Variants in CHRM3 observed in about 807,000 individuals in gnomAD.
The protein encoded by CHRM3 is muscarinic acetylcholine receptor M3.
A neutral mutation model predicts 41.8 loss-of-function variants in CHRM3; 11 were observed. The ratio of observed to expected loss-of-function variants is 0.26; its 90% CI spans 0.17 to 0.44. The LOEUF (loss-of-function observed/expected upper bound fraction) is 0.44, where lower values mean the gene tolerates loss of function less well. Among genes scored for constraint, CHRM3 ranks in the 20% least tolerant of loss-of-function variants. The pLI is 1.00. For synonymous variants in CHRM3, 297 were observed against 301.4 expected, an observed-to-expected ratio of 0.99 and a Z score of 0.15; for missense variants, 571 against 745.4, an observed-to-expected ratio of 0.77 and a Z score of 2.72.
At chr1:239,557,876 G>C (rs1660507715) in intron 3 of CHRM3, among the ~76,000 whole-genome samples, 1 of 152,106 alleles carries the variant, frequency 6.6e-6, no homozygotes. Flanking sequence ...TCTTTATCCA[G>C]TCTATCATTG....
chr1:239,520,106 G>A (rs1669543504), intron 2 of CHRM3, among the ~76,000 whole-genome samples: 1 of 152,106 alleles, frequency 6.6e-6, no homozygotes, highest in Non-Finnish European at 1.5e-5. Context: ...AACTCAAAAT[G>A]TACTCAGTCA....
rs1553363709 is a variant in CHRM3 at position 239,684,748 on chromosome 1, G to GAAAGAAAGAAAGAAAGAAAGAA, written c.-147+6461_-147+6462insAAGAAAGAAAGAAAGAAAGAAA. Among the ~76,000 whole-genome samples the GAAAGAAAGAAAGAAAGAAAGAA allele has an allele frequency of 3.0e-3, 319 of 107,794 alleles. 2 individuals carry two copies. Among genetic ancestry groups the GAAAGAAAGAAAGAAAGAAAGAA allele is most frequent in the East Asian group, 5.2e-3 (20 of 3,868 alleles). The allele number at this position is 107,794 out of a possible 152,430, so 70.7% of individuals were successfully genotyped here. ...AAAGGAAAGGAAAGAGAGAAAGAAAGAGAAAGAAAGAAAGAAAGAAAGAGA... is the reference window on the plus strand; with the variant it reads ...AAAGGAAAGGAAAGAGAGAAAGAAAGAAAGAAAGAAAGAAAGAAAGAAAGAAAGAAAGAAAGAAAGAAAGAGA... On this transcript the variant is annotated intron_variant, in intron 5 of 6. Transcript: ENST00000676153.
intron 5 of CHRM3, among the ~76,000 whole-genome samples, chr1:239,788,268 T>C (rs2148843802): frequency 6.6e-6 from 1 of 151,712 alleles, no homozygotes; most frequent in East Asian, 1.9e-4. Flanking sequence ...AACGAAAAAA[T>C]AGTTTTGTTT....
At chr1:239,760,255 A>T (rs1157738844) in intron 5 of CHRM3, among the ~76,000 whole-genome samples, 1 of 151,540 alleles carries the variant, frequency 6.6e-6, no homozygotes, top group East Asian at 1.9e-4. Flanking sequence ...TTTTATAATT[A>T]TTTTTCTCTC....
chr1:239,496,418 A>G (rs1390259667), intron 2 of CHRM3, among the ~76,000 whole-genome samples: 2 of 152,048 alleles, frequency 1.3e-5, no homozygotes, highest in Non-Finnish European at 2.9e-5. Context: ...AGATTATTTT[A>G]AAGACTGAAG....
chr1:239,736,004 C>T (rs544198303), intron 5 of CHRM3, among the ~76,000 whole-genome samples: 1 of 152,092 alleles, frequency 6.6e-6, no homozygotes, highest in Non-Finnish European at 1.5e-5. Context: ...CTATCCCCAA[C>T]CCTCCATAAG....
At chr1:239,577,745 A>G (rs1046794396) in intron 3 of CHRM3, among the ~76,000 whole-genome samples, 1 of 152,192 alleles carries the variant, frequency 6.6e-6, no homozygotes, top group Non-Finnish European at 1.5e-5. Context: ...TCCAAATTGT[A>G]TTTCCTATCA....
chr1:239,404,636 T>C (rs565222538), intron 1 of CHRM3, among the ~76,000 whole-genome samples: 1 of 148,382 alleles, frequency 6.7e-6, no homozygotes, highest in African/African-American at 2.5e-5. Flanking sequence ...CACTGAAATA[T>C]AAACACAATA....
chr1:239,752,352 AT>A (rs1665900303), intron 5 of CHRM3, among the ~76,000 whole-genome samples: 1 of 152,254 alleles, frequency 6.6e-6, no homozygotes, highest in South Asian at 2.1e-4. Context: ...GAAGAGAAGG[AT>A]TTTTTTCTTG....
At chr1:239,565,882 A>G (rs1661311590) in intron 3 of CHRM3, among the ~76,000 whole-genome samples, 1 of 151,658 alleles carries the variant, frequency 6.6e-6, no homozygotes, top group Non-Finnish European at 1.5e-5. Context: ...ACATGAGCAA[A>G]ATGATTTTCA....
At chr1:239,685,863 A>C (rs1324048425) in intron 5 of CHRM3, among the ~76,000 whole-genome samples, 4 of 151,732 alleles carry the variant, frequency 2.6e-5, no homozygotes, top group Admixed American at 2.0e-4. Flanking sequence ...AAAAACAAAC[A>C]AAAAAAACTG....
chr1:239,582,012 C>A (rs902486787), intron 3 of CHRM3, among the ~76,000 whole-genome samples: 24 of 152,284 alleles, frequency 1.6e-4, no homozygotes, highest in African/African-American at 5.8e-4. Flanking sequence ...CCAACATTTG[C>A]AGGATTTTTT....
intron 5 of CHRM3, among the ~76,000 whole-genome samples, chr1:239,680,708 A>C (rs891971283): frequency 6.7e-6 from 1 of 149,448 alleles, no homozygotes; most frequent in Non-Finnish European, 1.5e-5. Flanking sequence ...TGGTGTGTGC[A>C]TGTGTGTGTG....
At chr1:239,471,112 G>C (rs554747795) in intron 1 of CHRM3, among the ~76,000 whole-genome samples, 1 of 152,236 alleles carries the variant, frequency 6.6e-6, no homozygotes, top group Non-Finnish European at 1.5e-5. Context: ...CTCTTAAATA[G>C]TTCTAAGAAA....
chr1:239,472,607 C>T (rs935596373), intron 1 of CHRM3, among the ~76,000 whole-genome samples: 39 of 152,034 alleles, frequency 2.6e-4, no homozygotes, highest in African/African-American at 9.2e-4. Flanking sequence ...CCATTGTCCT[C>T]AGCAAACTAA....
At position 239,489,373 on chromosome 1, in the gene CHRM3, A is replaced by G. The variant is rs537924916; in HGVS notation, c.-520-3336A>G. Among the ~76,000 whole-genome samples the G allele has an allele frequency of 4.7e-4, 72 of 152,110 alleles. 1 individual carries two copies. In the Middle Eastern group the frequency reaches 0.01, roughly 22 times the overall value. On this transcript the variant is annotated intron_variant, in intron 1 of 6. Coordinates refer to ENST00000676153, the MANE Select transcript of CHRM3 (RefSeq NM_001375978.1). ...GTTACAAGTGAGCTGAGATCGCGCC[A>G]TTGCACTCCAGCCTGGGCAACAGAG...
rs138562442 is a variant in CHRM3, at chr1:239,814,015, G to C, written c.-146-13237G>C. 4.0e-5 allele frequency among the ~76,000 whole-genome samples: 6 copies of C among 149,156 alleles called. No homozygotes were observed. The East Asian group carries it at 1.2e-3, about 29-fold the overall frequency. ...CAGATGTCACAATAATCCTGTGAAA[G>C]TCATTACTCGCTTTAAGGAAAAATA... On this transcript the variant is annotated intron_variant, in intron 5 of 6. Coordinates refer to ENST00000676153, the MANE Select transcript of CHRM3 (RefSeq NM_001375978.1).
rs137863727 is a variant in CHRM3, at chr1:239,458,971, C to T, written c.-520-33738C>T. Among the ~76,000 whole-genome samples the T allele has an allele frequency of 3.0e-4, 45 of 152,258 alleles. 1 individual carries two copies. The highest frequency in any genetic ancestry group is 1.0e-3 in the African/African-American group (42 of 41,556). The stretch of plus-strand genomic sequence containing the variant: ...ACTTACTCTCATTATAATGAAATGG[C>T]ACATTGTATTGAACAAAGCTGTAGG... On this transcript the variant is annotated intron_variant, in intron 1 of 6. Transcript: ENST00000676153.
At chr1:239,618,598 A>T (rs903796330) in intron 3 of CHRM3, among the ~76,000 whole-genome samples, 10 of 151,826 alleles carry the variant, frequency 6.6e-5, no homozygotes, top group Non-Finnish European at 1.5e-4. Context: ...TAATCCCAGC[A>T]CTTTGGGAGG....
Sources: gnomAD v4.1 joint callset for allele counts (sites outside exome capture counted in the v4.1 genomes callset) on GRCh38, gnomAD v4.1.1 for gene constraint, MANE v1.5 for transcripts, NCBI Gene and HGNC (gene_info 2026-07-23, HGNC 2026-07-21) for gene names.